The following BTRC variants were observed in gnomAD, a reference collection of about 807,000 sequenced individuals.
BTRC encodes F-box/WD repeat-containing protein 1A.
A neutral mutation model predicts 85.5 loss-of-function variants in BTRC; 42 were observed. That is an observed-to-expected ratio of 0.49 (90% CI 0.38 to 0.64). BTRC has a LOEUF of 0.64. BTRC is among the 30% of genes least tolerant of loss of function. BTRC has a pLI of 0.00. For synonymous variants in BTRC, 255 were observed against 263.3 expected (o/e 0.97, Z 0.30); for missense variants, 594 against 743.5 (o/e 0.80, Z 2.34).
intron 3 of BTRC, among the ~76,000 whole-genome samples, chr10:101,470,827 G>A (rs527255954): frequency 4.6e-5 from 7 of 152,206 alleles, no homozygotes; most frequent in Admixed American, 2.6e-4. Context: ...TATTTTTGCC[G>A]TAATTTCATT....
At chr10:101,447,871 T>C (rs1944866961) in intron 2 of BTRC, among the ~76,000 whole-genome samples, 1 of 144,892 alleles carries the variant, frequency 6.9e-6, no homozygotes, top group Admixed American at 7.0e-5. Context: ...GGAAACATCT[T>C]GATTGTTTAT....
At chr10:101,427,158 G>A (rs531938878) in intron 1 of BTRC, among the ~76,000 whole-genome samples, 8 of 128,720 alleles carry the variant, frequency 6.2e-5, no homozygotes, top group East Asian at 2.3e-4. Context: ...TTGTTCTGTC[G>A]CCAGGCTGGA....
intron 1 of BTRC, 136 bp downstream of exon 1, chr10:101,354,364 G>A: frequency 2.0e-6 from 2 of 999,768 alleles, no homozygotes; most frequent in Admixed American, 3.3e-5. Flanking sequence ...CTGGAGGGAT[G>A]GGATGGGAGC....
rs752983595 is a variant in BTRC, at chr10:101,532,289, TCTC to T, written c.841-5_841-3del. ...ACACTGCCTCTTTCCCATTCCTTCT[TCTC>T]AGACAATAGAATCTAATTGGAGATG... On this transcript the variant is annotated splice_region_variant and splice_polypyrimidine_tract_variant and intron_variant, in intron 7 of 14. Coordinates refer to ENST00000370187, the MANE Select transcript of BTRC (RefSeq NM_033637.4). 77 of 1,606,850 alleles carry T rather than the reference TCTC, an allele frequency of 4.8e-5. No individual in the cohort carries two copies. The highest frequency in any genetic ancestry group is 6.4e-5 in the Non-Finnish European group (75 of 1,177,628).
chr10:101,465,713 C>G (rs922145515), intron 3 of BTRC, among the ~76,000 whole-genome samples: 2 of 152,066 alleles, frequency 1.3e-5, no homozygotes, highest in South Asian at 2.1e-4. Context: ...ATTACCAGAA[C>G]AAGAAATAAT....
Position 101,533,098 on chromosome 10 carries a change from C to G in BTRC, c.1097+28C>G, listed in dbSNP as rs74153251. 6 of 1,473,996 alleles carry G rather than the reference C, an allele frequency of 4.1e-6. No homozygotes were observed. The East Asian group carries it at 1.4e-4, about 33-fold the overall frequency. 91.3% of individuals were successfully genotyped at this position (1,473,996 alleles called of 1,614,324 possible). On this transcript the variant is annotated intron_variant, in intron 9 of 14. Transcript: ENST00000370187. Reference sequence around the variant, plus strand: ...AGAAAATTTCAAATGCTTTTTTGAACTCTGAAATATCAGCTCTGCTCTGTT... The same window carrying G: ...AGAAAATTTCAAATGCTTTTTTGAAGTCTGAAATATCAGCTCTGCTCTGTT...
intron 2 of BTRC, among the ~76,000 whole-genome samples, chr10:101,440,150 T>C (rs11191012): frequency 0.33 from 49,767 of 152,070 alleles, 10,664 homozygotes; most frequent in East Asian, 0.67. Context: ...ATCTTCCTTA[T>C]AAAACCACCA....
In BTRC at chr10:101,526,105, C is replaced by T; in HGVS notation, c.649C>T (p.Arg217Ter). 6.2e-7 allele frequency: 1 copy of T among 1,614,074 alleles called. No individual in the cohort carries two copies. ...TGAACTTGTGTGCAAGGAATGGTAC[C>T]GAGTGACCTCTGATGGCATGCTGTG... ...AAELVCKEWY[R>*]VTSDGMLWKK... Residue 217 changes from arginine (R) to a stop codon, truncating the protein, a stop_gained, in exon 6 of 15, where the codon CGA becomes TGA. Coordinates refer to ENST00000370187, the MANE Select transcript of BTRC (RefSeq NM_033637.4). LOFTEE classifies it high-confidence loss of function.
intron 3 of BTRC, among the ~76,000 whole-genome samples, chr10:101,469,103 ACT>A (rs1242419968): frequency 1.3e-5 from 2 of 151,314 alleles, no homozygotes; most frequent in Non-Finnish European, 3.0e-5. Flanking sequence ...CCAACGCAAA[ACT>A]CTCTGCCTCT....
In BTRC at chr10:101,496,720, T is replaced by A. The variant is rs1054918252; in HGVS notation, c.324+17263T>A. On this transcript the variant is annotated intron_variant, in intron 4 of 14. Coordinates refer to ENST00000370187, the MANE Select transcript of BTRC (RefSeq NM_033637.4). Reference sequence around the variant, plus strand: ...CACTATTAAAATTGAGCATTTTTTTTATGTTGATTGGCCATTTGGATGTGA... The same window carrying A: ...CACTATTAAAATTGAGCATTTTTTTAATGTTGATTGGCCATTTGGATGTGA... 5.3e-5 allele frequency among the ~76,000 whole-genome samples: 8 copies of A among 152,348 alleles called. No homozygotes were observed. In the East Asian group the frequency reaches 1.2e-3, roughly 22 times the overall value.
chr10:101,447,560 T>TA (rs1275723197), intron 2 of BTRC, among the ~76,000 whole-genome samples: 1 of 152,208 alleles, frequency 6.6e-6, no homozygotes, highest in Non-Finnish European at 1.5e-5. Context: ...ATATTAAAAT[T>TA]AATGTTTGAT....
intron 6 of BTRC, among the ~76,000 whole-genome samples, chr10:101,527,189 G>A (rs2134392390): frequency 6.6e-6 from 1 of 152,282 alleles, no homozygotes; most frequent in African/African-American, 2.4e-5. Flanking sequence ...GGATCATAAA[G>A]AGGAAAACAG....
At chr10:101,397,221 A>G (rs566510759) in intron 1 of BTRC, among the ~76,000 whole-genome samples, 97 of 152,246 alleles carry the variant, frequency 6.4e-4, no homozygotes, top group Non-Finnish European at 1.3e-3. Flanking sequence ...ATCCTAAAAT[A>G]AAGTTGTTAC....
chr10:101,382,143 C>T (rs570008847), intron 1 of BTRC, among the ~76,000 whole-genome samples: 20 of 151,602 alleles, frequency 1.3e-4, no homozygotes, highest in South Asian at 8.3e-4. Context: ...CCACCACGCC[C>T]GGTTAATTTT....
At chr10:101,392,761 C>T (rs1357003308) in intron 1 of BTRC, among the ~76,000 whole-genome samples, 3 of 151,996 alleles carry the variant, frequency 2.0e-5, no homozygotes, top group Non-Finnish European at 2.9e-5. Flanking sequence ...TGACCTCAGG[C>T]GATCCACCTG....
intron 4 of BTRC, among the ~76,000 whole-genome samples, chr10:101,491,865 G>A (rs1361064626): frequency 6.6e-6 from 1 of 152,146 alleles, no homozygotes. Flanking sequence ...AAAGGCTTGG[G>A]ACAGGGATGA....
At chr10:101,390,274 T>G (rs1320338766) in intron 1 of BTRC, among the ~76,000 whole-genome samples, 2 of 151,848 alleles carry the variant, frequency 1.3e-5, no homozygotes, top group Non-Finnish European at 2.9e-5. Flanking sequence ...AGGGAATAAA[T>G]CAAACAATGT....
intron 2 of BTRC, among the ~76,000 whole-genome samples, chr10:101,459,762 C>G (rs1174485098): frequency 6.6e-6 from 1 of 152,086 alleles, no homozygotes; most frequent in Non-Finnish European, 1.5e-5. Context: ...TCATAATACC[C>G]ACCCAGTGGT....
intron 1 of BTRC, among the ~76,000 whole-genome samples, chr10:101,383,212 C>T (rs1467680529): frequency 6.6e-6 from 1 of 151,720 alleles, no homozygotes; most frequent in Non-Finnish European, 1.5e-5. Flanking sequence ...TACAGGCGTG[C>T]ACCACCACGC....
Sources: allele counts gnomAD v4.1 joint callset (sites outside exome capture counted in the v4.1 genomes callset), GRCh38; gene constraint gnomAD v4.1.1; transcripts MANE v1.5; gene names NCBI Gene and HGNC (gene_info 2026-07-23, HGNC 2026-07-21).